Variants in NENF observed in about 807,000 individuals in gnomAD.
NENF encodes neudesin.
NENF carries 6 observed loss-of-function variants against 14.8 expected under a neutral mutation model. That is an observed-to-expected ratio of 0.40 (90% confidence interval 0.22 to 0.80). NENF has a LOEUF of 0.80. Among genes scored for constraint, NENF ranks in the 30% least tolerant of loss-of-function variants. The probability of loss-of-function intolerance (pLI) is 0.34; values close to 1 mark genes in which losing one functional copy is unlikely to be tolerated. For synonymous variants in NENF, 76 were observed against 95.1 expected, an observed-to-expected ratio of 0.80 and a Z score of 1.17; for missense variants, 184 against 212.7, an observed-to-expected ratio of 0.87 and a Z score of 0.84.
intron 1 of NENF, among the ~76,000 whole-genome samples, chr1:212,442,121 C>T (rs896024053): frequency 6.6e-6 from 1 of 152,206 alleles, no homozygotes; most frequent in African/African-American, 2.4e-5. Flanking sequence ...AAGCAATTCT[C>T]CAGCCTCAGA....
intron 1 of NENF, among the ~76,000 whole-genome samples, chr1:212,440,216 C>T (rs1302489981): frequency 7.6e-6 from 1 of 132,398 alleles, no homozygotes; most frequent in Non-Finnish European, 1.5e-5. Context: ...TGTACCACTG[C>T]ACTCCAGTCT....
chr1:212,440,297 C>A (rs1057048860), intron 1 of NENF, among the ~76,000 whole-genome samples: 1 of 150,060 alleles, frequency 6.7e-6, no homozygotes, highest in Non-Finnish European at 1.5e-5. Context: ...AAGGAGAAAG[C>A]CACAGAATGG....
Position 212,446,125 on chromosome 1 carries a change from T to C in NENF, c.*119T>C, listed in dbSNP as rs886467394. 2 of 974,350 alleles carry C rather than the reference T, an allele frequency of 2.1e-6. No individual in the cohort carries two copies. The highest frequency in any genetic ancestry group is 3.1e-6 in the Non-Finnish European group (2 of 652,812). The allele number at this position is 974,350 out of a possible 1,614,324, so 60.4% of individuals were successfully genotyped here. ...GCCACCCAGATCTGAATAAAACAGATGCTTACCCTGGAAGAGCAAATGCCT... is the reference window on the plus strand; with the variant it reads ...GCCACCCAGATCTGAATAAAACAGACGCTTACCCTGGAAGAGCAAATGCCT... On this transcript the variant is annotated 3_prime_UTR_variant, in exon 4 of 4. Coordinates refer to ENST00000366988, the MANE Select transcript of NENF (RefSeq NM_013349.5).
At position 212,442,564 on chromosome 1, in the gene NENF, G is replaced by T; in HGVS notation, c.178-1G>T. On this transcript the variant is annotated splice_acceptor_variant, in intron 1 of 3. Transcript: ENST00000366988. LOFTEE classifies it high-confidence loss of function. ...TTCACAGCTTCTCCCCTGCTTTCTA[G>T]GAAGATCAGCCCATCTACTTGGCAG... The T allele has an allele frequency of 6.2e-7, 1 of 1,612,614 alleles. No homozygotes were observed.
chr1:212,435,690 G>A (rs1662592449), intron 1 of NENF, among the ~76,000 whole-genome samples: 1 of 151,624 alleles, frequency 6.6e-6, no homozygotes, highest in South Asian at 2.1e-4. Context: ...CATTACAGGT[G>A]TGCACCACCA....
intron 1 of NENF, chr1:212,434,718 G>T (rs915559868): frequency 1.3e-5 from 2 of 152,186 alleles, no homozygotes; most frequent in Non-Finnish European, 2.9e-5. Context: ...CTCTCCAACT[G>T]ACCCGATGAT....
chr1:212,442,697 G>T (rs1029836189), intron 2 of NENF, 72 bp downstream of exon 2: 36 of 1,068,644 alleles, frequency 3.4e-5, no homozygotes, highest in Non-Finnish European at 4.7e-5. Flanking sequence ...ACTTGGAGGT[G>T]TGAGGAAAGG....
At chr1:212,436,138 C>T (rs574019834) in intron 1 of NENF, among the ~76,000 whole-genome samples, 7 of 152,122 alleles carry the variant, frequency 4.6e-5, no homozygotes, top group East Asian at 1.9e-4. Context: ...CAGTTCAAAC[C>T]TGTGTTGTTC....
At chr1:212,443,942 C>T (rs1243683115) in intron 2 of NENF, among the ~76,000 whole-genome samples, 1 of 151,886 alleles carries the variant, frequency 6.6e-6, no homozygotes, top group Non-Finnish European at 1.5e-5. Flanking sequence ...GTCCCAGCTA[C>T]TCTGGAGGCT....
chr1:212,443,167 G>T (rs1662722894), intron 2 of NENF, among the ~76,000 whole-genome samples: 1 of 152,146 alleles, frequency 6.6e-6, no homozygotes, highest in Non-Finnish European at 1.5e-5. Flanking sequence ...ATTGCCTGTA[G>T]AATTAAATTC....
chr1:212,437,416 A>G (rs897589828), intron 1 of NENF, among the ~76,000 whole-genome samples: 4 of 152,178 alleles, frequency 2.6e-5, no homozygotes, highest in African/African-American at 4.8e-5. Context: ...ACATATTTTC[A>G]TATTGAAAAC....
At chr1:212,439,766 A>G (rs1558193093) in intron 1 of NENF, among the ~76,000 whole-genome samples, 2 of 150,916 alleles carry the variant, frequency 1.3e-5, no homozygotes, top group Admixed American at 1.3e-4. Flanking sequence ...AGGCTGAGGC[A>G]GGAGAATAGC....
chr1:212,444,391 T>C lies in NENF; in HGVS notation c.291T>C (p.Thr97=), dbSNP rs758690952. Residue 97 remains threonine (T), a synonymous_variant, in exon 3 of 4, where the codon ACT becomes ACC. Coordinates refer to ENST00000366988, the MANE Select transcript of NENF (RefSeq NM_013349.5). ...ATGCCTTGACGGGGAAGGACTCCAC[T>C]AGAGGGGTAGCCAAGATGTCCTTGG... ...PYNALTGKDS[T]RGVAKMSLDP... The C allele has an allele frequency of 7.5e-6, 12 of 1,610,246 alleles. No homozygotes were observed. In the Admixed American group the frequency reaches 1.0e-4, roughly 14 times the overall value.
At chr1:212,444,720 A>G (rs1264818004) in intron 3 of NENF, among the ~76,000 whole-genome samples, 2 of 152,046 alleles carry the variant, frequency 1.3e-5, no homozygotes, top group African/African-American at 4.8e-5. Flanking sequence ...GTCAAGTCCA[A>G]ACTCTTATGA....
In NENF at chr1:212,445,766, G is replaced by T. The variant is rs1367142980; in HGVS notation, c.343-64G>T. ...GGGAGGCAAGGCAGGGATGGAGAAA[G>T]GCCAGTGCCAAACACTATCCACTTA... On this transcript the variant is annotated intron_variant, in intron 3 of 3. Coordinates refer to ENST00000366988, the MANE Select transcript of NENF (RefSeq NM_013349.5). The T allele has an allele frequency of 6.5e-6, 10 of 1,537,190 alleles. No individual in the cohort carries two copies. In the East Asian group the frequency reaches 2.3e-4, roughly 35 times the overall value.
chr1:212,444,551 GTGTGTGTGTGTGTGTGTA>G lies in NENF; in HGVS notation c.342+111_342+128del, dbSNP rs1310675441. On this transcript the variant is annotated intron_variant, in intron 3 of 3. Coordinates refer to ENST00000366988, the MANE Select transcript of NENF (RefSeq NM_013349.5). Reference sequence around the variant, plus strand: ...TGTGTGTGTGTGTGTGTGTGTGTGTGTGTGTGTGTGTGTGTGTATCTGGGCAAGAGCAAGCCTTCCTAA... The same window carrying G: ...TGTGTGTGTGTGTGTGTGTGTGTGTGTCTGGGCAAGAGCAAGCCTTCCTAA... The G allele has an allele frequency of 1.3e-3, 648 of 490,698 alleles. 4 individuals carry two copies. The highest frequency in any genetic ancestry group is 6.1e-3 in the East Asian group (163 of 26,658). The allele number at this position is 490,698 out of a possible 1,614,324, so 30.4% of individuals were successfully genotyped here.
rs546187915 is a variant in NENF at position 212,442,850 on chromosome 1, C to T, written c.238+225C>T. Among the ~76,000 whole-genome samples, 4 of 152,290 alleles carry T rather than the reference C, an allele frequency of 2.6e-5. No homozygotes were observed. In the South Asian group the frequency reaches 8.3e-4, roughly 32 times the overall value. The stretch of plus-strand genomic sequence containing the variant: ...CTCTGCCTTCTGGGTTCAAGCAATT[C>T]TCTGCCTCAGCCTCCCGAGTAGCTG... On this transcript the variant is annotated intron_variant, in intron 2 of 3. Transcript: ENST00000366988.
intron 1 of NENF, among the ~76,000 whole-genome samples, chr1:212,439,713 G>A (rs1481526763): frequency 3.6e-5 from 4 of 110,110 alleles, no homozygotes; most frequent in Admixed American, 9.5e-5. Flanking sequence ...AAAAAAAATT[G>A]GCCAGGCGTG....
chr1:212,439,672 G>A lies in NENF; in HGVS notation c.178-2893G>A, dbSNP rs534384700. On this transcript the variant is annotated intron_variant, in intron 1 of 3. Coordinates refer to ENST00000366988, the MANE Select transcript of NENF (RefSeq NM_013349.5). ...CAGCCTGGCCAACATGGTGAAACCT[G>A]TCTCTACTAAATATACAAAAAAAAA... Among the ~76,000 whole-genome samples, 25 of 116,368 alleles carry A rather than the reference G, an allele frequency of 2.1e-4. No homozygotes were observed. In the South Asian group the frequency reaches 6.9e-3, roughly 32 times the overall value. The allele number at this position is 116,368 out of a possible 152,430, so 76.3% of individuals were successfully genotyped here.
Sources: gnomAD v4.1 joint callset for allele counts (sites outside exome capture counted in the v4.1 genomes callset) on GRCh38, gnomAD v4.1.1 for gene constraint, MANE v1.5 for transcripts, NCBI Gene and HGNC (gene_info 2026-07-23, HGNC 2026-07-21) for gene names.